Variants in DAGLA observed in about 807,000 individuals in gnomAD.
DAGLA encodes diacylglycerol lipase-alpha.
DAGLA carries 22 observed loss-of-function variants against 102.6 expected under a neutral mutation model. That is an observed-to-expected ratio of 0.21 (90% CI 0.15 to 0.31). DAGLA has a LOEUF of 0.31. Among genes scored for constraint, DAGLA ranks in the 10% least tolerant of loss-of-function variants. The probability of loss-of-function intolerance (pLI) is 1.00; values close to 1 mark genes in which losing one functional copy is unlikely to be tolerated. For synonymous variants in DAGLA, 578 were observed against 628.9 expected (o/e 0.92, Z 1.21); for missense variants, 927 against 1,446.6 (o/e 0.64, Z 5.83).
At chr11:61,725,900 C>T (rs1168111729) in intron 5 of DAGLA, 95 bp from the exon 6 acceptor site, 24 of 1,191,354 alleles carry the variant, frequency 2.0e-5, no homozygotes, top group Non-Finnish European at 1.5e-5. Flanking sequence ...TGGTAGGGTC[C>T]TGGGAACAGC....
intron 1 of DAGLA, 79 bp downstream of exon 1, chr11:61,680,583 C>T (rs2064932945): frequency 6.7e-6 from 1 of 149,302 alleles, no homozygotes; most frequent in African/African-American, 2.5e-5. Flanking sequence ...GGGCAGTGTC[C>T]AGGGCGCGCG....
At chr11:61,710,449 G>A (rs2065185364) in intron 1 of DAGLA, among the ~76,000 whole-genome samples, 1 of 152,122 alleles carries the variant, frequency 6.6e-6, no homozygotes, top group Non-Finnish European at 1.5e-5. Flanking sequence ...TGATAGATGC[G>A]GGGCATCCTG....
chr11:61,739,865 GTC>G, intron 17 of DAGLA, among the ~76,000 whole-genome samples: 1 of 152,320 alleles, frequency 6.6e-6, no homozygotes, highest in East Asian at 1.9e-4. Context: ...GACTCCAGGC[GTC>G]TCTCTCCATA....
intron 1 of DAGLA, among the ~76,000 whole-genome samples, chr11:61,716,568 T>G (rs2065237199): frequency 6.6e-6 from 1 of 152,024 alleles, no homozygotes; most frequent in African/African-American, 2.4e-5. Flanking sequence ...GAGGGTGGGC[T>G]CTGTGCTGGA....
chr11:61,735,878 G>A, intron 12 of DAGLA, 62 bp downstream of exon 12: 1 of 1,464,206 alleles, frequency 6.8e-7, no homozygotes, highest in Non-Finnish European at 9.3e-7. Flanking sequence ...AGTGTGCAGA[G>A]GCGTGTATGG....
intron 1 of DAGLA, among the ~76,000 whole-genome samples, chr11:61,717,177 C>A (rs201825298): frequency 3.9e-5 from 6 of 152,164 alleles, no homozygotes; most frequent in African/African-American, 4.8e-5. Context: ...CTGCCCTCCC[C>A]GCTCCTGAGA....
At chr11:61,708,328 G>T (rs2135567900) in intron 1 of DAGLA, among the ~76,000 whole-genome samples, 1 of 150,002 alleles carries the variant, frequency 6.7e-6, no homozygotes, top group South Asian at 2.1e-4. Context: ...TTTAATTAAA[G>T]CTCTATGTCA....
intron 9 of DAGLA, among the ~76,000 whole-genome samples, chr11:61,733,857 G>A (rs1339785776): frequency 6.6e-6 from 1 of 152,188 alleles, no homozygotes; most frequent in Non-Finnish European, 1.5e-5. Context: ...GGGAGTGCTG[G>A]GGGCCTGGGG....
chr11:61,741,048 T>A, intron 18 of DAGLA, 114 bp from the exon 19 acceptor site: 2 of 1,005,400 alleles, frequency 2.0e-6, no homozygotes, highest in Non-Finnish European at 2.9e-6. Context: ...GGGACCCAAG[T>A]GACTCCATGA....
rs1202686089 is a variant in DAGLA, at chr11:61,723,517, G to A, written c.493G>A (p.Val165Ile). Residue 165 changes from valine (V) to isoleucine (I), a missense_variant, in exon 5 of 20, where the codon GTC becomes ATC. By Grantham distance (29) the Val-to-Ile change is conservative. Transcript: ENST00000257215. Reference sequence around the variant, plus strand: ...CTTCGACCCCACGGGCCGCACCTTTGTCAAGCTGAGAGCCACCAAGAGGAG... The same window carrying A: ...CTTCGACCCCACGGGCCGCACCTTTATCAAGCTGAGAGCCACCAAGAGGAG... ...CVFDPTGRTF[V>I]KLRATKRRQR... 1 of 1,614,138 alleles carries A rather than the reference G, an allele frequency of 6.2e-7. No individual in the cohort carries two copies. Among genetic ancestry groups the A allele is most frequent in the Admixed American group, 1.7e-5 (1 of 60,022 alleles).
At chr11:61,714,175 A>G (rs888815880) in intron 1 of DAGLA, among the ~76,000 whole-genome samples, 10 of 152,118 alleles carry the variant, frequency 6.6e-5, no homozygotes, top group South Asian at 2.1e-4. Flanking sequence ...CCGGCCCTCA[A>G]TTTTGATTTA....
chr11:61,736,760 T>G (rs1301375127), intron 13 of DAGLA, among the ~76,000 whole-genome samples: 1 of 152,158 alleles, frequency 6.6e-6, no homozygotes, highest in Non-Finnish European at 1.5e-5. Context: ...GCTCCTGAGG[T>G]GCCACCAGCT....
chr11:61,718,048 T>A (rs2065250826), intron 1 of DAGLA, among the ~76,000 whole-genome samples: 1 of 152,116 alleles, frequency 6.6e-6, no homozygotes, highest in Non-Finnish European at 1.5e-5. Context: ...CTGGGTTCCA[T>A]GGGTCCAAGG....
chr11:61,717,962 C>T (rs963022360), intron 1 of DAGLA, among the ~76,000 whole-genome samples: 4 of 152,140 alleles, frequency 2.6e-5, no homozygotes, highest in Non-Finnish European at 5.9e-5. Context: ...GGGCATTGTT[C>T]GGGCAGAGGA....
At chr11:61,711,225 G>A (rs1263182258) in intron 1 of DAGLA, among the ~76,000 whole-genome samples, 4 of 152,210 alleles carry the variant, frequency 2.6e-5, no homozygotes, top group Non-Finnish European at 5.9e-5. Flanking sequence ...AGTGTGGGGC[G>A]GTGTCGGCCT....
intron 1 of DAGLA, among the ~76,000 whole-genome samples, chr11:61,710,139 G>T (rs919095142): frequency 2.0e-5 from 3 of 152,160 alleles, no homozygotes; most frequent in African/African-American, 4.8e-5. Flanking sequence ...CTTCACTGAG[G>T]CGTTGCCAGC....
At chr11:61,728,013 GGTGCTGGGGAGAACCT>G in intron 6 of DAGLA, 124 bp from the exon 7 acceptor site, 1 of 925,740 alleles carries the variant, frequency 1.1e-6, no homozygotes, top group Non-Finnish European at 1.7e-6. Flanking sequence ...GCGCTGTGGA[GGTGCTGGGGAGAACCT>G]GTCCAGGGGA....
chr11:61,716,292 C>T (rs1458533445), intron 1 of DAGLA, among the ~76,000 whole-genome samples: 1 of 151,996 alleles, frequency 6.6e-6, no homozygotes, highest in Non-Finnish European at 1.5e-5. Context: ...GGGAAGGGGT[C>T]TAGGGTTCCC....
chr11:61,726,221 T>C, intron 6 of DAGLA, 139 bp downstream of exon 6: 1 of 768,158 alleles, frequency 1.3e-6, no homozygotes. Context: ...AAGTATGGCC[T>C]GCTCACACAG....
Sources: gnomAD v4.1 joint callset for allele counts (sites outside exome capture counted in the v4.1 genomes callset) on GRCh38, gnomAD v4.1.1 for gene constraint, MANE v1.5 for transcripts, NCBI Gene and HGNC (gene_info 2026-07-23, HGNC 2026-07-21) for gene names.